EDRF1: variants seen among roughly 807,000 people sequenced by gnomAD.
EDRF1 encodes the protein erythroid differentiation regulatory factor 1.
EDRF1 carries 69 observed loss-of-function variants against 148.7 expected under a neutral mutation model. The ratio of observed to expected loss-of-function variants is 0.46; its 90% confidence interval spans 0.38 to 0.57. The LOEUF (loss-of-function observed/expected upper bound fraction) is 0.57. Ranked by LOEUF, EDRF1 falls within the 20% of genes least tolerant of loss-of-function variation. The pLI, the probability that EDRF1 is intolerant of heterozygous loss-of-function variation, is 0.00. For missense variants in EDRF1, 1,118 were observed against 1,478.7 expected (o/e 0.76, Z 4.00); for synonymous variants, 515 against 532.8 (o/e 0.97, Z 0.46).
intron 6 of EDRF1, among the ~76,000 whole-genome samples, chr10:125,727,820 T>G (rs866825028): frequency 2.0e-5 from 3 of 152,194 alleles, no homozygotes; most frequent in Non-Finnish European, 2.9e-5. Flanking sequence ...TATTTCTTAA[T>G]GGCAGTACTA....
chr10:125,742,907 A>G, intron 17 of EDRF1, 151 bp from the exon 18 acceptor site: 1 of 1,300,482 alleles, frequency 7.7e-7, no homozygotes. Flanking sequence ...TTTATTATGA[A>G]ACTTAAATAT....
At position 125,747,687 on chromosome 10, in the gene EDRF1, A is replaced by G. The variant is rs372283083; in HGVS notation, c.2966A>G (p.Gln989Arg). ...TATGCTCCGTTATCTAGAAAAGCTC[A>G]GGAGCAGGTGATAATATTTGCTGGA... ...QDYAPLSRKAQEQIEKEVSEA... is the reference protein window; with the variant it reads ...QDYAPLSRKAREQIEKEVSEA... The change falls in exon 20 of 25, where the codon CAG becomes CGG. Residue 989 changes from glutamine to arginine, a missense_variant. By Grantham distance (43) the Gln-to-Arg change is conservative (BLOSUM62 1). Around this residue, in one of 3 missense-constraint regions of EDRF1, gnomAD observed 954 missense variants for 1,241.4 expected, o/e 0.77. Transcript: ENST00000356792. The G allele has an allele frequency of 6.2e-7, 1 of 1,614,054 alleles. No homozygotes were observed. Among genetic ancestry groups the G allele is most frequent in the African/African-American group, 1.3e-5 (1 of 74,938 alleles).
chr10:125,721,066 T>G (rs1847972198), intron 1 of EDRF1, 138 bp from the exon 2 acceptor site: 2 of 808,376 alleles, frequency 2.5e-6, no homozygotes, highest in South Asian at 1.5e-5. Context: ...ATGCTCAAAT[T>G]TATTAAGTGC....
At chr10:125,725,468 A>G (rs1401536473) in intron 5 of EDRF1, 26 bp downstream of exon 5, 5 of 1,612,932 alleles carry the variant, frequency 3.1e-6, no homozygotes, top group Non-Finnish European at 4.2e-6. Context: ...TTTATCTCTA[A>G]AGAGAAAAAG....
At chr10:125,742,844 T>C in intron 17 of EDRF1, 4 of 911,726 alleles carry the variant, frequency 4.4e-6, no homozygotes, top group Non-Finnish European at 5.2e-6. Flanking sequence ...CAGGAAAATA[T>C]TTTTATCCAA....
At chr10:125,739,943 G>A (rs531818987) in intron 15 of EDRF1, among the ~76,000 whole-genome samples, 1 of 152,314 alleles carries the variant, frequency 6.6e-6, no homozygotes, top group African/African-American at 2.4e-5. Context: ...AGTATTCCTT[G>A]TAGAGGAAAC....
chr10:125,734,813 A>G (rs545541986), intron 12 of EDRF1, among the ~76,000 whole-genome samples: 4 of 152,168 alleles, frequency 2.6e-5, no homozygotes, highest in South Asian at 4.2e-4. Context: ...TGACAACTTT[A>G]TTTTTCACTG....
At position 125,723,836 on chromosome 10, in the gene EDRF1, C is replaced by T. The variant is rs866235128; in HGVS notation, c.410C>T (p.Pro137Leu). The change falls in exon 4 of 25, where the codon CCC becomes CTC. Residue 137 changes from proline to leucine, a missense_variant. Physicochemically the swap from Pro to Leu is moderately conservative, Grantham distance 98. Around this residue, in one of 3 missense-constraint regions of EDRF1, gnomAD observed 99 missense variants for 186.9 expected, o/e 0.53. Coordinates refer to ENST00000356792, the MANE Select transcript of EDRF1 (RefSeq NM_001202438.2). ...AACATAAAAAAACTCCTGAAAATTC[C>T]CTACAGCAAGTCGCACGTGAGCATG... is the stretch of plus-strand genomic sequence containing the variant. Reference protein sequence around the residue: ...SENIKKLLKIPYSKSHVSMAV... With the variant: ...SENIKKLLKILYSKSHVSMAV... 2 of 1,613,304 alleles carry T rather than the reference C, an allele frequency of 1.2e-6. No individual in the cohort carries two copies. Among genetic ancestry groups the T allele is most frequent in the Non-Finnish European group, 1.7e-6 (2 of 1,179,582 alleles).
intron 24 of EDRF1, among the ~76,000 whole-genome samples, chr10:125,759,481 A>G (rs1850083944): frequency 6.6e-6 from 1 of 152,026 alleles, no homozygotes; most frequent in Admixed American, 6.5e-5. Flanking sequence ...ATTGCCTTTG[A>G]ACTAAGTGCC....
At chr10:125,733,820 A>G in intron 11 of EDRF1, 77 bp downstream of exon 11, 1 of 1,367,264 alleles carries the variant, frequency 7.3e-7, no homozygotes, top group South Asian at 1.2e-5. Flanking sequence ...CAGTTTCCAA[A>G]CCAAGGCTTT....
chr10:125,728,500 A>G (rs1848362782), intron 6 of EDRF1, among the ~76,000 whole-genome samples: 1 of 152,074 alleles, frequency 6.6e-6, no homozygotes, highest in African/African-American at 2.4e-5. Flanking sequence ...AGTATCTCAA[A>G]CTGTGGCTGA....
intron 22 of EDRF1, chr10:125,749,801 G>T: frequency 1.9e-6 from 1 of 529,882 alleles, no homozygotes; most frequent in Non-Finnish European, 3.4e-6. Context: ...TATGGCCCAT[G>T]ACCCCTAGTT....
At chr10:125,744,962 C>T (rs899682559) in intron 18 of EDRF1, 2 of 152,488 alleles carry the variant, frequency 1.3e-5, no homozygotes, top group African/African-American at 2.4e-5. Flanking sequence ...ATGGCAGCAT[C>T]GTTACTCTTG....
chr10:125,729,978 T>G (rs967430268), intron 8 of EDRF1, among the ~76,000 whole-genome samples: 4 of 152,236 alleles, frequency 2.6e-5, no homozygotes, highest in African/African-American at 9.6e-5. Context: ...TTGTATGGTG[T>G]TCAGTCTTTC....
intron 1 of EDRF1, 62 bp downstream of exon 1, chr10:125,719,977 G>A (rs1334242616): frequency 4.1e-6 from 6 of 1,477,078 alleles, no homozygotes; most frequent in Non-Finnish European, 5.6e-6. Flanking sequence ...GCTCCACCGG[G>A]GAGGGATGCC....
rs1315622150 is a variant in EDRF1, at chr10:125,755,503, G to A, written c.3545+1658G>A. ...TGGTTTGGGTATTAGAACAGTGCTG[G>A]CCTCATAAAGTCTGTGGGTTCATGT... On this transcript the variant is annotated intron_variant, in intron 24 of 24. Coordinates refer to ENST00000356792, the MANE Select transcript of EDRF1 (RefSeq NM_001202438.2). Among the ~76,000 whole-genome samples the A allele has an allele frequency of 3.3e-5, 5 of 152,150 alleles. No homozygotes were observed. In the East Asian group the frequency reaches 9.6e-4, roughly 29 times the overall value.
At chr10:125,738,233 A>G in intron 14 of EDRF1, 62 bp from the exon 15 acceptor site, 1 of 1,592,410 alleles carries the variant, frequency 6.3e-7, no homozygotes, top group Non-Finnish European at 8.6e-7. Flanking sequence ...ATACTGTCTT[A>G]TATTTAGTTT....
At chr10:125,759,779 C>T (rs978570856) in intron 24 of EDRF1, among the ~76,000 whole-genome samples, 5 of 151,838 alleles carry the variant, frequency 3.3e-5, no homozygotes, top group African/African-American at 7.3e-5. Flanking sequence ...GGCGCAATCT[C>T]GGCTCACTGC....
At chr10:125,724,916 C>T (rs942154110) in intron 4 of EDRF1, among the ~76,000 whole-genome samples, 9 of 152,202 alleles carry the variant, frequency 5.9e-5, no homozygotes, top group African/African-American at 2.2e-4. Flanking sequence ...AAAAGACCAC[C>T]GTTTAGTTCA....
Sources: gnomAD v4.1 joint callset for allele counts (sites outside exome capture counted in the v4.1 genomes callset) on GRCh38, gnomAD v4.1.1 for gene constraint, gnomAD v4.1.1 regional missense constraint, MANE v1.5 for transcripts, NCBI Gene and HGNC (gene_info 2026-07-23, HGNC 2026-07-21) for gene names.